Variants in SLC2A9 observed in about 807,000 individuals in gnomAD.
SLC2A9 encodes the protein solute carrier family 2 member 9, also known as solute carrier family 2, facilitated glucose transporter member 9.
SLC2A9 carries 39 observed loss-of-function variants against 50.6 expected under a neutral mutation model. The observed-to-expected ratio is 0.77, with a 90% CI of 0.60 to 1.01. SLC2A9 has a LOEUF of 1.01. Ranked by LOEUF, SLC2A9 falls within the 50% of genes least tolerant of loss-of-function variation. The pLI is 0.00. For missense variants in SLC2A9, 686 were observed against 677.6 expected (o/e 1.01, Z -0.14); for synonymous variants, 324 against 276.9 (o/e 1.17, Z -1.69).
downstream of SLC2A9, among the ~76,000 whole-genome samples, chr4:9,798,231 C>T (rs1720835238): frequency 1.3e-5 from 2 of 152,166 alleles, no homozygotes; most frequent in South Asian, 4.1e-4. Context: ...GTCTTATCTT[C>T]TGAGAAGTAG....
chr4:9,787,470 A>T (rs1022397590), intron 3 of SLC2A9, among the ~76,000 whole-genome samples: 4 of 152,216 alleles, frequency 2.6e-5, no homozygotes, highest in Admixed American at 6.5e-5. Context: ...TCACTGTATC[A>T]CTTATCTCTG....
intron 10 of SLC2A9, among the ~76,000 whole-genome samples, chr4:9,865,859 T>G (rs1436433930): frequency 6.6e-6 from 1 of 152,226 alleles, no homozygotes; most frequent in Non-Finnish European, 1.5e-5. Flanking sequence ...CCAAGGTCCC[T>G]GCAGGAACAC....
rs919859001 is a variant in SLC2A9 at position 9,826,385 on chromosome 4, G to A, written c.*12C>T. On this transcript the variant is annotated 3_prime_UTR_variant, in exon 12 of 12. Transcript: ENST00000264784. ...TTTTGACATAATTGTCCAACGTGGA[G>A]GAGGAAACTTGTTAAGGCCTTCCAT... is the stretch of plus-strand genomic sequence containing the variant. 6.2e-7 allele frequency: 1 copy of A among 1,613,406 alleles called. No homozygotes were observed.
At chr4:10,029,323 C>T (rs999453260) in intron 1 of SLC2A9, 1 of 152,182 alleles carries the variant, frequency 6.6e-6, no homozygotes, top group Non-Finnish European at 1.5e-5. Context: ...TGCCCTATCC[C>T]CGATGCACAG....
chr4:10,033,000 G>A (rs924343679), intron 1 of SLC2A9, among the ~76,000 whole-genome samples: 9 of 152,112 alleles, frequency 5.9e-5, no homozygotes, highest in Admixed American at 2.6e-4. Flanking sequence ...GGGCACTGCC[G>A]AGCTGTTCAC....
At chr4:9,952,617 C>T (rs1750518309) in intron 5 of SLC2A9, among the ~76,000 whole-genome samples, 1 of 151,962 alleles carries the variant, frequency 6.6e-6, no homozygotes, top group African/African-American at 2.4e-5. Flanking sequence ...CACTGCATCC[C>T]CAACCTCCTA....
At chr4:9,879,606 T>G (rs966358790) in intron 10 of SLC2A9, 2 of 985,244 alleles carry the variant, frequency 2.0e-6, no homozygotes, top group African/African-American at 3.5e-5. Flanking sequence ...TCAGGACCGC[T>G]CCATCTTCTG....
chr4:10,017,882 C>T (rs991620759), intron 2 of SLC2A9, among the ~76,000 whole-genome samples: 6 of 152,172 alleles, frequency 3.9e-5, no homozygotes, highest in South Asian at 2.1e-4. Flanking sequence ...GTCTCCAAAA[C>T]GGCCTGTGCT....
intron 5 of SLC2A9, among the ~76,000 whole-genome samples, chr4:9,948,712 C>G (rs1392240897): frequency 6.6e-6 from 1 of 152,248 alleles, no homozygotes; most frequent in Non-Finnish European, 1.5e-5. Flanking sequence ...GTGGGCTCAA[C>G]TGAGACCTCT....
chr4:10,002,923 C>T (rs939748066), intron 2 of SLC2A9, among the ~76,000 whole-genome samples: 3 of 152,146 alleles, frequency 2.0e-5, no homozygotes, highest in Non-Finnish European at 2.9e-5. Context: ...TCCGTCAGAC[C>T]GTGGTGAATA....
chr4:9,889,765 C>T (rs1012516532), intron 9 of SLC2A9, among the ~76,000 whole-genome samples: 2 of 152,214 alleles, frequency 1.3e-5, no homozygotes, highest in African/African-American at 4.8e-5. Context: ...AACCTTGCTT[C>T]ACGCTTCCCA....
chr4:9,773,668 G>T (rs1175291305), intron 1 of SLC2A9, among the ~76,000 whole-genome samples: 1 of 152,238 alleles, frequency 6.6e-6, no homozygotes, highest in Non-Finnish European at 1.5e-5. Context: ...TGGATGAAAT[G>T]AGGCAGGAGT....
chr4:9,773,082 G>T (rs1365630832), intron 1 of SLC2A9, among the ~76,000 whole-genome samples: 1 of 152,150 alleles, frequency 6.6e-6, no homozygotes, highest in East Asian at 1.9e-4. Flanking sequence ...CCTTTCAAAG[G>T]TGGCAAGCTC....
chr4:9,882,177 A>G (rs6847887), intron 10 of SLC2A9, among the ~76,000 whole-genome samples: 140,689 of 152,260 alleles, frequency 0.92, 65,267 homozygotes, highest in African/African-American at 0.95. Flanking sequence ...TTCTTTCCAC[A>G]TAGACACAAA....
chr4:9,862,858 C>T (rs1404162770), intron 10 of SLC2A9, among the ~76,000 whole-genome samples: 1 of 152,104 alleles, frequency 6.6e-6, no homozygotes, highest in South Asian at 2.1e-4. Context: ...TTTGTAGTGG[C>T]CTGTGTCATT....
At chr4:9,888,508 C>T (rs1473767065) in intron 9 of SLC2A9, among the ~76,000 whole-genome samples, 2 of 152,032 alleles carry the variant, frequency 1.3e-5, no homozygotes, top group African/African-American at 4.8e-5. Context: ...ATTGCTCCTG[C>T]TCTAGCAGAC....
At chr4:9,928,364 C>A (rs1745289698) in intron 6 of SLC2A9, among the ~76,000 whole-genome samples, 1 of 152,202 alleles carries the variant, frequency 6.6e-6, no homozygotes, top group Non-Finnish European at 1.5e-5. Context: ...TTATAAGAAA[C>A]TGTTCCATAA....
At chr4:9,921,763 G>C (rs1240282013) in intron 6 of SLC2A9, among the ~76,000 whole-genome samples, 1 of 152,210 alleles carries the variant, frequency 6.6e-6, no homozygotes, top group Non-Finnish European at 1.5e-5. Flanking sequence ...CAATGTTTCT[G>C]TTTCATGCAT....
chr4:9,961,701 G>A (rs1190365329), intron 5 of SLC2A9, among the ~76,000 whole-genome samples: 1 of 152,088 alleles, frequency 6.6e-6, no homozygotes, highest in African/African-American at 2.4e-5. Context: ...TTGACAAATG[G>A]AATCTAACTA....
Sources: allele counts gnomAD v4.1 joint callset (sites outside exome capture counted in the v4.1 genomes callset), GRCh38; gene constraint gnomAD v4.1.1; transcripts MANE v1.5; gene names NCBI Gene and HGNC (gene_info 2026-07-23, HGNC 2026-07-21).